Variants in CLNK observed in about 807,000 individuals in gnomAD.
The protein encoded by CLNK is cytokine dependent hematopoietic cell linker, also known as cytokine-dependent hematopoietic cell linker.
In CLNK, 74 loss-of-function variants were observed where a neutral mutation model predicts 68.6. The observed-to-expected ratio is 1.08, with a 90% CI of 0.89 to 1.31. The LOEUF (loss-of-function observed/expected upper bound fraction) is 1.31. Ranked by LOEUF, CLNK falls within the 50% of genes most tolerant of loss-of-function variation. CLNK has a pLI of 0.00. For synonymous variants in CLNK, 198 were observed against 172.2 expected, an observed-to-expected ratio of 1.15 and a Z score of -1.17; for missense variants, 553 against 515.3, an observed-to-expected ratio of 1.07 and a Z score of -0.71.
intron 2 of CLNK, among the ~76,000 whole-genome samples, chr4:10,653,625 C>A (rs1396715363): frequency 1.3e-5 from 2 of 151,976 alleles, no homozygotes; most frequent in African/African-American, 4.8e-5. Flanking sequence ...TAACAAAGCA[C>A]CTAATTTGGC....
intron 2 of CLNK, among the ~76,000 whole-genome samples, chr4:10,666,484 C>T (rs1324864658): frequency 6.6e-6 from 1 of 152,224 alleles, no homozygotes; most frequent in African/African-American, 2.4e-5. Flanking sequence ...GGTGCCTTCT[C>T]CATTTCCCAC....
chr4:10,645,823 A>G (rs1723485885), intron 2 of CLNK, among the ~76,000 whole-genome samples: 1 of 152,152 alleles, frequency 6.6e-6, no homozygotes, highest in African/African-American at 2.4e-5. Flanking sequence ...CAAAGTAGCT[A>G]GAAGAGAAGA....
chr4:10,651,195 T>C (rs12233916), intron 2 of CLNK, among the ~76,000 whole-genome samples: 16,589 of 152,240 alleles, frequency 0.11, 1,044 homozygotes, highest in East Asian at 0.21. Flanking sequence ...ATCCCATGAC[T>C]GGGTATATAC....
At chr4:10,698,712 C>T in the CLNK span, among the ~76,000 whole-genome samples, 3 of 152,190 alleles carry the variant, frequency 2.0e-5, no homozygotes, top group African/African-American at 4.8e-5. Context: ...ACCCTAATTG[C>T]AGCAGTTAGT....
At chr4:10,723,882 CAGAGAGAGAGAG>C in the CLNK span, among the ~76,000 whole-genome samples, 3 of 70,870 alleles carry the variant, frequency 4.2e-5, no homozygotes, top group Non-Finnish European at 1.0e-4. Context: ...ACACAGGAGT[CAGAGAGAGAGAG>C]AGAGAGAGAG....
intron 11 of CLNK, among the ~76,000 whole-genome samples, chr4:10,540,164 G>A (rs543766259): frequency 7.2e-5 from 11 of 152,306 alleles, no homozygotes; most frequent in African/African-American, 2.6e-4. Flanking sequence ...TGCATGCACT[G>A]TCATGAGATC....
rs1460743406 is a variant in CLNK at position 10,677,304 on chromosome 4, C to CA, written c.-43+7363dup. 7.9e-5 allele frequency among the ~76,000 whole-genome samples: 12 copies of CA among 151,980 alleles called. No homozygotes were observed. The South Asian group carries it at 1.0e-3, about 13-fold the overall frequency. On this transcript the variant is annotated intron_variant, in intron 1 of 18. Coordinates refer to ENST00000226951, the MANE Select transcript of CLNK (RefSeq NM_052964.4). ...GCAAAAACACTGTAATTTTTTTCAA[C>CA]ATTCATTTATTAAGCACCTGATGTA...
chr4:10,667,170 T>C (rs1460673511), intron 2 of CLNK, among the ~76,000 whole-genome samples: 2 of 152,178 alleles, frequency 1.3e-5, no homozygotes, highest in East Asian at 3.8e-4. Flanking sequence ...CTGGCCTACC[T>C]AACTCTGAAA....
At chr4:10,525,317 G>A (rs529828333) in intron 14 of CLNK, among the ~76,000 whole-genome samples, 151 of 152,178 alleles carry the variant, frequency 9.9e-4, no homozygotes, top group Non-Finnish European at 1.1e-3. Context: ...CACCTGCCTC[G>A]GCCTCCCAAA....
At chr4:10,704,721 A>G in the CLNK span, among the ~76,000 whole-genome samples, 3 of 152,324 alleles carry the variant, frequency 2.0e-5, no homozygotes, top group South Asian at 4.1e-4. Flanking sequence ...TGCTCAACAT[A>G]CTAGGCAGTC....
intron 3 of CLNK, among the ~76,000 whole-genome samples, chr4:10,592,641 T>C (rs1053808074): frequency 6.6e-6 from 1 of 152,156 alleles, no homozygotes; most frequent in Non-Finnish European, 1.5e-5. Context: ...CTGCCTTGAT[T>C]CTTCCTTCTT....
the CLNK span, among the ~76,000 whole-genome samples, chr4:10,722,404 T>C: frequency 6.6e-6 from 1 of 152,184 alleles, no homozygotes; most frequent in Non-Finnish European, 1.5e-5. Flanking sequence ...AGCTGGGCTT[T>C]ATGTGCTTTC....
intron 16 of CLNK, among the ~76,000 whole-genome samples, chr4:10,510,677 C>G (rs1315229062): frequency 6.6e-6 from 1 of 152,180 alleles, no homozygotes; most frequent in Non-Finnish European, 1.5e-5. Context: ...TCTCTGAAGC[C>G]TGCTACCTGA....
chr4:10,603,629 G>A (rs1014904314), intron 2 of CLNK, among the ~76,000 whole-genome samples: 3 of 152,204 alleles, frequency 2.0e-5, no homozygotes, highest in Non-Finnish European at 4.4e-5. Context: ...ATTGGGCAGG[G>A]GGAAAAGTGG....
the CLNK span, among the ~76,000 whole-genome samples, chr4:10,707,383 A>C: frequency 0.29 from 44,750 of 152,136 alleles, 6,753 homozygotes; most frequent in African/African-American, 0.33. Context: ...ATCAATTGCC[A>C]GTAAGAAAAT....
intron 5 of CLNK, among the ~76,000 whole-genome samples, chr4:10,570,208 C>G (rs1470919207): frequency 6.6e-6 from 1 of 152,186 alleles, no homozygotes; most frequent in Non-Finnish European, 1.5e-5. Context: ...TGGGGGAAGT[C>G]TTGGACCTGC....
chr4:10,637,167 AC>A (rs1367253552), intron 2 of CLNK, among the ~76,000 whole-genome samples: 2 of 152,138 alleles, frequency 1.3e-5, no homozygotes, highest in Non-Finnish European at 2.9e-5. Flanking sequence ...CTTATTGAAG[AC>A]CCATGTACTT....
At chr4:10,555,196 T>C (rs1719616666) in intron 8 of CLNK, among the ~76,000 whole-genome samples, 1 of 152,196 alleles carries the variant, frequency 6.6e-6, no homozygotes, top group Admixed American at 6.5e-5. Flanking sequence ...TTCACTAGCC[T>C]AGGCATAATT....
intron 17 of CLNK, among the ~76,000 whole-genome samples, chr4:10,503,085 C>T (rs1717121594): frequency 6.6e-6 from 1 of 152,180 alleles, no homozygotes; most frequent in Non-Finnish European, 1.5e-5. Flanking sequence ...TTTGTGGTTA[C>T]ATTGTGTTAT....
Sources: gnomAD v4.1 joint callset for allele counts (sites outside exome capture counted in the v4.1 genomes callset) on GRCh38, gnomAD v4.1.1 for gene constraint, MANE v1.5 for transcripts, NCBI Gene and HGNC (gene_info 2026-07-23, HGNC 2026-07-21) for gene names.